Variants in PPP4R4 observed in about 807,000 individuals in gnomAD.
PPP4R4 encodes protein phosphatase 4 regulatory subunit 4.
PPP4R4 carries 70 observed loss-of-function variants against 121.8 expected under a neutral mutation model. The observed-to-expected ratio is 0.57, with a 90% CI of 0.47 to 0.70. PPP4R4 has a LOEUF of 0.70. Among genes scored for constraint, PPP4R4 ranks in the 30% least tolerant of loss-of-function variants. The probability of loss-of-function intolerance (pLI) is 0.00; values close to 1 mark genes in which losing one functional copy is unlikely to be tolerated. For missense variants in PPP4R4, 875 were observed against 1,033.6 expected, an observed-to-expected ratio of 0.85 and a Z score of 2.10; for synonymous variants, 348 against 355.7, an observed-to-expected ratio of 0.98 and a Z score of 0.24.
chr14:94,272,525 A>C (rs1894389574), intron 23 of PPP4R4, among the ~76,000 whole-genome samples: 1 of 152,170 alleles, frequency 6.6e-6, no homozygotes, highest in Admixed American at 6.5e-5. Context: ...GCTGTTCTAA[A>C]TGTAAAATGC....
intron 2 of PPP4R4, among the ~76,000 whole-genome samples, chr14:94,186,324 T>A (rs1056137497): frequency 4.6e-5 from 7 of 152,236 alleles, no homozygotes; most frequent in Non-Finnish European, 1.0e-4. Context: ...TAAATTAGTT[T>A]CCAATTTCTA....
Position 94,208,475 on chromosome 14 carries a change from A to AATC in PPP4R4, c.203_204insATC (p.Asp68delinsGluSer). 6.2e-7 allele frequency: 1 copy of AATC among 1,607,974 alleles called. No homozygotes were observed. The highest frequency in any genetic ancestry group is 8.5e-7 in the Non-Finnish European group (1 of 1,175,368). On this transcript the variant is annotated protein_altering_variant, in exon 3 of 25. Transcript: ENST00000304338. ...GTTTTCTTTGTAAGTGCTGGTCAAG[A>AATC]TGTCCAAGGAACAAGTGTGATTGCA...
At chr14:94,252,577 T>TAA (rs980260283) in intron 16 of PPP4R4, among the ~76,000 whole-genome samples, 1 of 152,198 alleles carries the variant, frequency 6.6e-6, no homozygotes, top group Non-Finnish European at 1.5e-5. Flanking sequence ...TGAGTGGCAT[T>TAA]AAAGTACATG....
chr14:94,204,400 G>T (rs1890352920), intron 2 of PPP4R4, among the ~76,000 whole-genome samples: 1 of 151,902 alleles, frequency 6.6e-6, no homozygotes, highest in Non-Finnish European at 1.5e-5. Flanking sequence ...ATATGTGTGG[G>T]GGTCTATTTC....
intron 2 of PPP4R4, among the ~76,000 whole-genome samples, chr14:94,182,794 C>T (rs1889059596): frequency 6.6e-6 from 1 of 151,946 alleles, no homozygotes; most frequent in South Asian, 2.1e-4. Context: ...TTATAGAAGC[C>T]GAATTGTTGG....
chr14:94,191,361 C>T (rs1036134161), intron 2 of PPP4R4, among the ~76,000 whole-genome samples: 7 of 126,834 alleles, frequency 5.5e-5, no homozygotes, highest in Non-Finnish European at 8.7e-5. Flanking sequence ...TTTATTTTTT[C>T]GTTTAAGTTG....
intron 24 of PPP4R4, among the ~76,000 whole-genome samples, chr14:94,277,974 T>C (rs893673245): frequency 6.6e-6 from 1 of 152,200 alleles, no homozygotes; most frequent in Non-Finnish European, 1.5e-5. Context: ...GTGGCACTTA[T>C]ATGGATCTCT....
intron 2 of PPP4R4, among the ~76,000 whole-genome samples, chr14:94,200,264 A>G (rs560595204): frequency 1.2e-4 from 18 of 152,300 alleles, no homozygotes; most frequent in African/African-American, 4.1e-4. Flanking sequence ...TAGGATATTC[A>G]CCATAGACAA....
At chr14:94,216,162 C>G (rs1432493166) in intron 3 of PPP4R4, among the ~76,000 whole-genome samples, 1 of 152,226 alleles carries the variant, frequency 6.6e-6, no homozygotes, top group Non-Finnish European at 1.5e-5. Flanking sequence ...ACAAAGCAAT[C>G]CGTTTCACTT....
At position 94,256,403 on chromosome 14, in the gene PPP4R4, G is replaced by T; in HGVS notation, c.1866-57G>T. The T allele has an allele frequency of 2.8e-6, 4 of 1,407,290 alleles. No individual in the cohort carries two copies. In the South Asian group the frequency reaches 4.1e-5, roughly 14 times the overall value. 87.2% of individuals were successfully genotyped at this position (1,407,290 alleles called of 1,614,324 possible). A position where few individuals can be genotyped will look rare whatever the true frequency, so the allele number is the denominator to read the frequency against. Reference sequence around the variant, plus strand: ...ATCTAAAACTTGATTTTTGTTTTATGTTTCTGTTATTCTTAGTTATTAACT... The same window carrying T: ...ATCTAAAACTTGATTTTTGTTTTATTTTTCTGTTATTCTTAGTTATTAACT... On this transcript the variant is annotated intron_variant, in intron 16 of 24. Transcript: ENST00000304338.
At chr14:94,226,628 C>T (rs1359911825) in intron 3 of PPP4R4, among the ~76,000 whole-genome samples, 1 of 152,056 alleles carries the variant, frequency 6.6e-6, no homozygotes, top group African/African-American at 2.4e-5. Flanking sequence ...AGGGCTATTA[C>T]ACTATTATGT....
At position 94,230,708 on chromosome 14, in the gene PPP4R4, TC is replaced by T; in HGVS notation, c.418del (p.Leu140CysfsTer22). The stretch of plus-strand genomic sequence containing the variant: ...ACCCACTCATTCCTCCAAGTCATTC[TC>T]CTGCATCTGGAGCACAGGGACACAG... ...AYTHSFLQVI[L>X]LHLEHRDTGV... On this transcript the variant is annotated frameshift_variant, in exon 4 of 25. Coordinates refer to ENST00000304338, the MANE Select transcript of PPP4R4 (RefSeq NM_058237.2). LOFTEE classifies it high-confidence loss of function. The T allele has an allele frequency of 6.2e-7, 1 of 1,613,648 alleles. No individual in the cohort carries two copies. Among genetic ancestry groups the T allele is most frequent in the African/African-American group, 1.3e-5 (1 of 75,038 alleles).
intron 18 of PPP4R4, 95 bp from the exon 19 acceptor site, chr14:94,259,200 G>T (rs1893639359): frequency 4.6e-6 from 7 of 1,506,430 alleles, no homozygotes; most frequent in Middle Eastern, 3.6e-4. Context: ...TGGGGACACA[G>T]AGTCAAACCA....
intron 2 of PPP4R4, among the ~76,000 whole-genome samples, chr14:94,178,415 T>G (rs986320396): frequency 1.3e-5 from 2 of 150,648 alleles, no homozygotes; most frequent in Non-Finnish European, 3.0e-5. Context: ...TTTTATTTTG[T>G]GTATTGAAAC....
chr14:94,268,292 G>C (rs1451766566), intron 23 of PPP4R4, among the ~76,000 whole-genome samples: 1 of 152,160 alleles, frequency 6.6e-6, no homozygotes, highest in Non-Finnish European at 1.5e-5. Context: ...GATCTCACCT[G>C]TCCTCTTGGT....
intron 12 of PPP4R4, 21 bp downstream of exon 12, chr14:94,244,733 G>T (rs1892803790): frequency 2.0e-6 from 3 of 1,469,692 alleles, no homozygotes; most frequent in South Asian, 2.5e-5. Flanking sequence ...CTTACTCTTT[G>T]ATTTTTAATT....
chr14:94,233,057 CA>C (rs11399509), intron 5 of PPP4R4, among the ~76,000 whole-genome samples: 83 of 134,922 alleles, frequency 6.2e-4, no homozygotes, highest in Middle Eastern at 4.0e-3. Flanking sequence ...GACTCCGTCT[CA>C]AAAAAAAAAA....
intron 3 of PPP4R4, among the ~76,000 whole-genome samples, chr14:94,211,780 G>C (rs1890755150): frequency 6.6e-6 from 1 of 152,106 alleles, no homozygotes; most frequent in African/African-American, 2.4e-5. Flanking sequence ...AGACAGTAGA[G>C]AGCAGTAGAC....
At chr14:94,272,103 A>G (rs1894366498) in intron 23 of PPP4R4, among the ~76,000 whole-genome samples, 1 of 152,220 alleles carries the variant, frequency 6.6e-6, no homozygotes, top group African/African-American at 2.4e-5. Context: ...TGATCTATAA[A>G]CTAAATGCAG....
Sources: allele counts gnomAD v4.1 joint callset (sites outside exome capture counted in the v4.1 genomes callset), GRCh38; gene constraint gnomAD v4.1.1; transcripts MANE v1.5; gene names NCBI Gene and HGNC (gene_info 2026-07-23, HGNC 2026-07-21).